Variants in CDH11 observed in about 807,000 individuals in gnomAD.
The protein encoded by CDH11 is cadherin-11.
A neutral mutation model predicts 67.8 loss-of-function variants in CDH11; 11 were observed. That is an observed-to-expected ratio of 0.16 (90% confidence interval 0.10 to 0.27). The LOEUF is 0.27. CDH11 is among the 10% of genes least tolerant of loss of function. The probability of loss-of-function intolerance (pLI) is 1.00; values close to 1 mark genes in which losing one functional copy is unlikely to be tolerated. For synonymous variants in CDH11, 419 were observed against 400.0 expected, an observed-to-expected ratio of 1.05 and a Z score of -0.57; for missense variants, 847 against 1,031.2, an observed-to-expected ratio of 0.82 and a Z score of 2.45.
At chr16:65,082,092 C>A (rs764619947) in intron 1 of CDH11, among the ~76,000 whole-genome samples, 9 of 152,138 alleles carry the variant, frequency 5.9e-5, no homozygotes, top group Non-Finnish European at 7.4e-5. Context: ...AGGAGATTCC[C>A]AAACCCTGGA....
intron 8 of CDH11, among the ~76,000 whole-genome samples, chr16:64,976,496 A>G (rs553172363): frequency 1.3e-5 from 2 of 152,332 alleles, no homozygotes; most frequent in Non-Finnish European, 2.9e-5. Context: ...AAAGACTCAA[A>G]TGTCCTCAAA....
chr16:65,112,069 C>CAA (rs35671651), intron 1 of CDH11, among the ~76,000 whole-genome samples: 1,067 of 91,020 alleles, frequency 0.012, 28 homozygotes, highest in African/African-American at 0.032. Context: ...GACTCTGTCT[C>CAA]AAAAAAAAAA....
chr16:65,023,667 C>T (rs1171792851), intron 2 of CDH11, among the ~76,000 whole-genome samples: 4 of 152,172 alleles, frequency 2.6e-5, no homozygotes, highest in Non-Finnish European at 4.4e-5. Flanking sequence ...GTTCCTAAAA[C>T]TGAGGGTTCC....
chr16:65,072,504 T>C (rs2074435343), intron 1 of CDH11, among the ~76,000 whole-genome samples: 1 of 152,154 alleles, frequency 6.6e-6, no homozygotes, highest in African/African-American at 2.4e-5. Context: ...AGCATCTTCT[T>C]GTCCAATTTT....
chr16:65,001,432 C>T (rs2072916956), intron 3 of CDH11, among the ~76,000 whole-genome samples: 1 of 152,128 alleles, frequency 6.6e-6, no homozygotes, highest in Non-Finnish European at 1.5e-5. Context: ...TTAGGGGAGG[C>T]TTACCTTTGT....
intron 11 of CDH11, 133 bp downstream of exon 11, chr16:64,971,446 C>T: frequency 1.6e-6 from 1 of 607,540 alleles, no homozygotes; most frequent in Admixed American, 3.2e-5. Flanking sequence ...ACAGAGGTGG[C>T]ATTATTATTT....
intron 7 of CDH11, 124 bp downstream of exon 7, chr16:64,988,033 A>T: frequency 1.5e-6 from 1 of 675,160 alleles, no homozygotes; most frequent in Non-Finnish European, 2.5e-6. Flanking sequence ...TCAACTACAA[A>T]GTCAGGTCAG....
chr16:65,114,975 T>C (rs1330944365), intron 1 of CDH11, among the ~76,000 whole-genome samples: 1 of 152,108 alleles, frequency 6.6e-6, no homozygotes, highest in Non-Finnish European at 1.5e-5. Flanking sequence ...CAAACTACAT[T>C]TACCTGAAAA....
In CDH11 at chr16:65,004,955, G is replaced by A. The variant is rs2073015723; in HGVS notation, c.-86C>T. 6.9e-7 allele frequency: 1 copy of A among 1,439,570 alleles called. No individual in the cohort carries two copies. 89.2% of individuals were successfully genotyped at this position (1,439,570 alleles called of 1,614,324 possible). ...TGGTCTTGCTGAGGGTGGCCTCCCG[G>A]ACGCGTCACGCAGACCTCTCTTGGG... On this transcript the variant is annotated 5_prime_UTR_variant, in exon 3 of 13. Transcript: ENST00000268603.
At position 64,944,343 on chromosome 16, in the gene CDH11, TC is replaced by T; in HGVS notation, c.*3259del. Reference sequence around the variant, plus strand: ...GGCAGTGCAAGAGCAGAGAAGTCTTTCCTCTTCTCCATCTCCAAATTACTGA... The same window carrying T: ...GGCAGTGCAAGAGCAGAGAAGTCTTTCTCTTCTCCATCTCCAAATTACTGA... On this transcript the variant is annotated 3_prime_UTR_variant, in exon 13 of 13. Coordinates refer to ENST00000268603, the MANE Select transcript of CDH11 (RefSeq NM_001797.4). 4.3e-6 allele frequency: 1 copy of T among 232,640 alleles called. No individual in the cohort carries two copies. 14.4% of individuals were successfully genotyped at this position (232,640 alleles called of 1,614,324 possible). A position where few individuals can be genotyped will look rare whatever the true frequency, so the allele number is the denominator to read the frequency against.
At chr16:65,100,903 C>A (rs999958495) in intron 1 of CDH11, among the ~76,000 whole-genome samples, 4 of 152,208 alleles carry the variant, frequency 2.6e-5, no homozygotes, top group African/African-American at 9.6e-5. Flanking sequence ...TCTGAAAAAA[C>A]AATTCCATGC....
Position 64,944,435 on chromosome 16 carries a change from G to A in CDH11, c.*3168C>T, listed in dbSNP as rs1280314400. The A allele has an allele frequency of 2.6e-5, 6 of 232,784 alleles. No homozygotes were observed. The highest frequency in any genetic ancestry group is 1.1e-4 in the Admixed American group (2 of 17,754). 14.4% of individuals were successfully genotyped at this position (232,784 alleles called of 1,614,324 possible). A position where few individuals can be genotyped will look rare whatever the true frequency, so the allele number is the denominator to read the frequency against. ...AAAAGCCCTCCTGGGGCACACCTCTGGGTTTATATGCTCCTAATCTGTCCT... is the reference window on the plus strand; with the variant it reads ...AAAAGCCCTCCTGGGGCACACCTCTAGGTTTATATGCTCCTAATCTGTCCT... On this transcript the variant is annotated 3_prime_UTR_variant, in exon 13 of 13. Transcript: ENST00000268603.
At chr16:65,039,778 A>G (rs1391150341) in intron 2 of CDH11, among the ~76,000 whole-genome samples, 1 of 152,188 alleles carries the variant, frequency 6.6e-6, no homozygotes, top group Non-Finnish European at 1.5e-5. Flanking sequence ...CAGGCAACCT[A>G]CAGAATGGGC....
chr16:65,109,748 G>C (rs1216375462), intron 1 of CDH11, among the ~76,000 whole-genome samples: 1 of 152,168 alleles, frequency 6.6e-6, no homozygotes, highest in Admixed American at 6.5e-5. Context: ...CACATGCCAA[G>C]CTATTATGCT....
chr16:64,984,190 T>A (rs901396187), intron 7 of CDH11, among the ~76,000 whole-genome samples: 4 of 152,186 alleles, frequency 2.6e-5, no homozygotes, highest in African/African-American at 9.6e-5. Flanking sequence ...GGCCCCCTAG[T>A]GGCCCTTTGG....
intron 12 of CDH11, among the ~76,000 whole-genome samples, chr16:64,950,105 C>A (rs1350280428): frequency 6.6e-6 from 1 of 152,132 alleles, no homozygotes; most frequent in African/African-American, 2.4e-5. Context: ...TGAGGCCCAG[C>A]AATGGCATAT....
chr16:64,981,097 C>CTTT (rs71376752), intron 8 of CDH11: 2,751 of 116,208 alleles, frequency 0.024, 111 homozygotes, highest in Non-Finnish European at 0.034. Flanking sequence ...TTCTTTCTTT[C>CTTT]TTTTTTTTTT....
At chr16:65,053,501 G>C (rs928711742) in intron 2 of CDH11, among the ~76,000 whole-genome samples, 3 of 152,172 alleles carry the variant, frequency 2.0e-5, no homozygotes, top group Non-Finnish European at 4.4e-5. Flanking sequence ...ATCTCAGTTG[G>C]CCTGTTCAGC....
At chr16:65,055,279 G>A (rs1031404184) in intron 1 of CDH11, among the ~76,000 whole-genome samples, 1 of 152,194 alleles carries the variant, frequency 6.6e-6, no homozygotes, top group Non-Finnish European at 1.5e-5. Flanking sequence ...GGGACTATGA[G>A]CTGGCTCTGC....
Sources: allele counts gnomAD v4.1 joint callset (sites outside exome capture counted in the v4.1 genomes callset), GRCh38; gene constraint gnomAD v4.1.1; transcripts MANE v1.5; gene names NCBI Gene and HGNC (gene_info 2026-07-23, HGNC 2026-07-21).